The following CYFIP2 variants were observed in gnomAD, a reference collection of about 807,000 sequenced individuals.
The protein encoded by CYFIP2 is cytoplasmic FMR1 interacting protein 2.
A neutral mutation model predicts 158.7 loss-of-function variants in CYFIP2; 29 were observed. The ratio of observed to expected loss-of-function variants is 0.18; its 90% CI spans 0.14 to 0.25. The LOEUF is 0.25. Ranked by LOEUF, CYFIP2 falls within the 10% of genes least tolerant of loss-of-function variation. The pLI, the probability that CYFIP2 is intolerant of heterozygous loss-of-function variation, is 1.00. For missense variants in CYFIP2, 852 were observed against 1,639.5 expected (o/e 0.52, Z 8.29); for synonymous variants, 585 against 617.6 (o/e 0.95, Z 0.78).
rs367577437 is a variant in CYFIP2 at position 157,384,602 on chromosome 5, G to A, written c.3207+1243G>A. ...CATGCTGAGGAAGCCACCCCAGCCC[G>A]GCCCCCGCATGCCACCAACCTCCTT... On this transcript the variant is annotated intron_variant, in intron 28 of 30. Transcript: ENST00000620254. 6.7e-5 allele frequency: 29 copies of A among 429,740 alleles called. No individual in the cohort carries two copies. In the East Asian group the frequency reaches 1.5e-3, roughly 23 times the overall value. 26.6% of individuals were successfully genotyped at this position (429,740 alleles called of 1,614,324 possible).
chr5:157,373,499 G>T (rs369809289), intron 26 of CYFIP2, among the ~76,000 whole-genome samples: 52 of 152,326 alleles, frequency 3.4e-4, no homozygotes, highest in African/African-American at 1.2e-3. Flanking sequence ...CTAAAATGGG[G>T]TTGCCGAGAT....
intron 1 of CYFIP2, among the ~76,000 whole-genome samples, chr5:157,284,566 TG>T (rs1757229819): frequency 6.6e-6 from 1 of 152,230 alleles, no homozygotes; most frequent in Non-Finnish European, 1.5e-5. Flanking sequence ...ATGAGTATTC[TG>T]TTTGCTGGGT....
chr5:157,383,594 G>A (rs771388274), intron 28 of CYFIP2: 8 of 418,992 alleles, frequency 1.9e-5, no homozygotes, highest in Admixed American at 3.6e-5. Flanking sequence ...CCAACAAGTC[G>A]TCTGCTTATT....
At chr5:157,285,247 T>C in intron 1 of CYFIP2, 92 bp from the exon 2 acceptor site, 1 of 842,830 alleles carries the variant, frequency 1.2e-6, no homozygotes, top group African/African-American at 1.7e-5. Context: ...TAACTCTCTT[T>C]ATTCTCCCAA....
chr5:157,387,544 C>A (rs1418669333), intron 28 of CYFIP2, among the ~76,000 whole-genome samples: 2 of 152,170 alleles, frequency 1.3e-5, no homozygotes, highest in Non-Finnish European at 2.9e-5. Context: ...AAATTGGGGT[C>A]TTTTATTTAC....
intron 1 of CYFIP2, among the ~76,000 whole-genome samples, chr5:157,273,334 C>T (rs1453311971): frequency 6.6e-6 from 1 of 152,214 alleles, no homozygotes; most frequent in Non-Finnish European, 1.5e-5. Context: ...AGAAAGAGAG[C>T]TAGGCTCCCT....
At chr5:157,284,258 A>G (rs1248599208) in intron 1 of CYFIP2, among the ~76,000 whole-genome samples, 1 of 152,134 alleles carries the variant, frequency 6.6e-6, no homozygotes, top group Non-Finnish European at 1.5e-5. Flanking sequence ...TTTCAGCTAA[A>G]TGTGTTGAAG....
intron 23 of CYFIP2, among the ~76,000 whole-genome samples, chr5:157,351,272 G>A (rs1763050572): frequency 6.6e-6 from 1 of 152,122 alleles, no homozygotes; most frequent in East Asian, 1.9e-4. Context: ...AAAGGTCAGT[G>A]GTTCAGAGCC....
Position 157,389,234 on chromosome 5 carries a change from C to T in CYFIP2, c.3253C>T (p.Leu1085=), listed in dbSNP as rs1036039211. The stretch of plus-strand genomic sequence containing the variant: ...GGGTGACCTCCTGACCAAGGAGCGG[C>T]TGTGCTGTGGCCTGTCCATGTTCGA... ...REGDLLTKER[L]CCGLSMFEVI... is the part of the protein sequence containing the mutation. The change falls in exon 29 of 31, where the codon CTG becomes TTG. Residue 1085 remains leucine (L), a synonymous_variant. Coordinates refer to ENST00000620254, the MANE Select transcript of CYFIP2 (RefSeq NM_001037333.3). 6.2e-7 allele frequency: 1 copy of T among 1,613,788 alleles called. No individual in the cohort carries two copies. Among genetic ancestry groups the T allele is most frequent in the Non-Finnish European group, 8.5e-7 (1 of 1,179,790 alleles).
chr5:157,326,821 G>A (rs1761059583), intron 18 of CYFIP2, among the ~76,000 whole-genome samples: 2 of 152,212 alleles, frequency 1.3e-5, no homozygotes. Context: ...AGAGGCCTCG[G>A]TGACCTGGGT....
intron 29 of CYFIP2, 123 bp from the exon 30 acceptor site, chr5:157,390,396 TAA>T (rs1767164421): frequency 2.3e-6 from 2 of 868,354 alleles, no homozygotes; most frequent in Admixed American, 2.9e-5. Flanking sequence ...TTTTATAGGT[TAA>T]GAGACTTGGC....
intron 13 of CYFIP2, among the ~76,000 whole-genome samples, chr5:157,318,821 A>T (rs934241641): frequency 2.0e-5 from 3 of 152,232 alleles, no homozygotes; most frequent in Admixed American, 2.0e-4. Context: ...ACGATCTGCC[A>T]CATGCCTTTC....
At chr5:157,275,705 CAT>C (rs1397963596) in intron 1 of CYFIP2, among the ~76,000 whole-genome samples, 1 of 152,184 alleles carries the variant, frequency 6.6e-6, no homozygotes, top group Non-Finnish European at 1.5e-5. Flanking sequence ...ATGAGATTTT[CAT>C]AGAGATTATG....
At chr5:157,298,921 A>G (rs1758477957) in intron 5 of CYFIP2, among the ~76,000 whole-genome samples, 2 of 152,220 alleles carry the variant, frequency 1.3e-5, no homozygotes, top group South Asian at 4.1e-4. Context: ...TTAGGACTGA[A>G]TACCATTCCA....
intron 26 of CYFIP2, chr5:157,376,801 C>T (rs200255455): frequency 1.9e-4 from 84 of 438,786 alleles, no homozygotes; most frequent in Middle Eastern, 1.3e-3. Flanking sequence ...GCCTCCATCC[C>T]ATGCTGACTT....
chr5:157,342,140 T>C (rs2113249233), intron 23 of CYFIP2: 1 of 152,746 alleles, frequency 6.5e-6, no homozygotes, highest in Non-Finnish European at 1.5e-5. Flanking sequence ...AGAAGCTAAG[T>C]CAGATTATTT....
Position 157,395,359 on chromosome 5 carries a change from G to A in CYFIP2, c.*2359G>A. 3.2e-6 allele frequency: 1 copy of A among 311,596 alleles called. No homozygotes were observed. The highest frequency in any genetic ancestry group is 2.7e-5 in the South Asian group (1 of 36,550). The allele number at this position is 311,596 out of a possible 1,614,324, so 19.3% of individuals were successfully genotyped here. On this transcript the variant is annotated 3_prime_UTR_variant, in exon 31 of 31. Transcript: ENST00000620254. ...AAAGTTTTAAAAATAATCTGTTTCAGAAACTGTCAAATGTACCATATTTGT... is the reference window on the plus strand; with the variant it reads ...AAAGTTTTAAAAATAATCTGTTTCAAAAACTGTCAAATGTACCATATTTGT...
chr5:157,351,576 A>G (rs935058174), intron 23 of CYFIP2, among the ~76,000 whole-genome samples: 1 of 152,104 alleles, frequency 6.6e-6, no homozygotes, highest in African/African-American at 2.4e-5. Flanking sequence ...ACAACGGGAG[A>G]GACTGAAGCT....
chr5:157,332,331 A>G (rs543528064), intron 20 of CYFIP2, among the ~76,000 whole-genome samples: 67 of 152,164 alleles, frequency 4.4e-4, no homozygotes, highest in Non-Finnish European at 9.1e-4. Flanking sequence ...TCTTTCTCTC[A>G]TGTATGTATT....
Sources: gnomAD v4.1 joint callset for allele counts (sites outside exome capture counted in the v4.1 genomes callset) on GRCh38, gnomAD v4.1.1 for gene constraint, MANE v1.5 for transcripts, NCBI Gene and HGNC (gene_info 2026-07-23, HGNC 2026-07-21) for gene names.